THOC2: variants seen among roughly 807,000 people sequenced by gnomAD.
THOC2 encodes THO complex 2.
A neutral mutation model predicts 128.4 loss-of-function variants in THOC2; 10 were observed. That is an observed-to-expected ratio of 0.08 (90% CI 0.05 to 0.13). THOC2 has a LOEUF of 0.13. Among genes scored for constraint, THOC2 ranks in the 10% least tolerant of loss-of-function variants. The probability of loss-of-function intolerance (pLI) is 1.00; values close to 1 mark genes in which losing one functional copy is unlikely to be tolerated. For synonymous variants in THOC2, 393 were observed against 396.9 expected, an observed-to-expected ratio of 0.99 and a Z score of 0.12; for missense variants, 535 against 1,155.7, an observed-to-expected ratio of 0.46 and a Z score of 7.79.
chrX:123,698,862 A>C (rs1369301421), intron 4 of THOC2, among the ~76,000 whole-genome samples: 1 of 108,473 alleles, frequency 9.2e-6, no homozygotes, highest in Non-Finnish European at 1.9e-5. Flanking sequence ...GTGACAGAGT[A>C]AGACTCTGTC....
At position 123,697,665 on chromosome X, in the gene THOC2, A is replaced by G; in HGVS notation, c.345+16T>C. ...ATGCAGATTTTTAAAAGGGAAAAAT[A>G]TTTTTAAAAACTTACCAAACATGCT... On this transcript the variant is annotated intron_variant, in intron 5 of 38. Coordinates refer to ENST00000245838, the MANE Select transcript of THOC2 (RefSeq NM_001081550.2). The G allele has an allele frequency of 1.0e-6, 1 of 958,461 alleles. No individual in the cohort carries two copies. The highest frequency in any genetic ancestry group is 1.4e-6 in the Non-Finnish European group (1 of 693,672). The allele number at this position is 958,461 out of a possible 1,213,427, so 79.0% of individuals were successfully genotyped here.
intron 3 of THOC2, among the ~76,000 whole-genome samples, chrX:123,703,890 TA>T (rs774877149): frequency 0.59 from 22,011 of 37,059 alleles, 4,089 homozygotes; most frequent in South Asian, 0.65. Flanking sequence ...ACTCTGTCTT[TA>T]AAAAAAAAAA....
chrX:123,605,435 T>C (rs987044459), intron 38 of THOC2, among the ~76,000 whole-genome samples: 2 of 111,472 alleles, frequency 1.8e-5, no homozygotes, highest in Non-Finnish European at 3.8e-5. Context: ...AAGACAGAAA[T>C]GATTTGTGTC....
At chrX:123,687,636 A>G (rs756899280) in intron 7 of THOC2, among the ~76,000 whole-genome samples, 18 of 111,938 alleles carry the variant, frequency 1.6e-4, no homozygotes, top group Admixed American at 6.7e-4. Flanking sequence ...TGGTAAGATG[A>G]TATCTCCAGT....
chrX:123,654,171 C>T (rs1012736974), intron 12 of THOC2, among the ~76,000 whole-genome samples: 14 of 110,014 alleles, frequency 1.3e-4, no homozygotes, highest in Admixed American at 2.0e-4. Context: ...AACCAAACAC[C>T]GCATGTTCTC....
intron 12 of THOC2, among the ~76,000 whole-genome samples, chrX:123,648,873 C>A (rs1258185697): frequency 1.8e-5 from 2 of 112,026 alleles, no homozygotes; most frequent in Admixed American, 9.5e-5. Context: ...GGGGAAGAGG[C>A]GGCTGTGGGC....
chrX:123,722,100 C>T lies in THOC2; in HGVS notation c.72-9192G>A, dbSNP rs184780305. On this transcript the variant is annotated intron_variant, in intron 1 of 38. Transcript: ENST00000245838. ...AACAGAGTATTTGCTGCCGATGATACGCTTTTACACTGTTGGTGGGGGAGT... is the reference window on the plus strand; with the variant it reads ...AACAGAGTATTTGCTGCCGATGATATGCTTTTACACTGTTGGTGGGGGAGT... 1.6e-3 allele frequency among the ~76,000 whole-genome samples: 183 copies of T among 112,272 alleles called. 1 individual carries two copies. Among genetic ancestry groups the T allele is most frequent in the African/African-American group, 5.1e-3 (159 of 30,941 alleles).
At position 123,702,816 on chromosome X, in the gene THOC2, G is replaced by C. The variant is rs73546099; in HGVS notation, c.274+638C>G. Among the ~76,000 whole-genome samples, 992 of 108,403 alleles carry C rather than the reference G, an allele frequency of 9.2e-3. 7 individuals are homozygous for C. Among genetic ancestry groups the C allele is most frequent in the African/African-American group, 0.031 (932 of 29,943 alleles). 94.1% of individuals were successfully genotyped at this position (108,403 alleles called of 115,157 possible). A position where few individuals can be genotyped will look rare whatever the true frequency, so the allele number is the denominator to read the frequency against. On this transcript the variant is annotated intron_variant, in intron 4 of 38. Transcript: ENST00000245838. ...CAGGACTGACTGAAGGGAAAACTGT[G>C]CTCAGTTATTTTCATCTAGATCTAA...
intron 38 of THOC2, among the ~76,000 whole-genome samples, chrX:123,607,309 T>C (rs1027684520): frequency 9.0e-6 from 1 of 110,999 alleles, no homozygotes; most frequent in African/African-American, 3.3e-5. Context: ...AGAGTCTTGC[T>C]CTGTCACCCA....
At chrX:123,692,554 T>C (rs2050269188) in intron 7 of THOC2, among the ~76,000 whole-genome samples, 1 of 95,066 alleles carries the variant, frequency 1.1e-5, no homozygotes, top group African/African-American at 4.1e-5. Flanking sequence ...CAGGCTGGAG[T>C]GCAGTGGCAC....
intron 1 of THOC2, among the ~76,000 whole-genome samples, chrX:123,732,460 G>A (rs1394689580): frequency 1.8e-5 from 2 of 112,332 alleles, no homozygotes; most frequent in African/African-American, 3.2e-5. Context: ...GCGAAGAGGA[G>A]GGGAGGGGAA....
intron 8 of THOC2, among the ~76,000 whole-genome samples, chrX:123,680,396 C>T (rs778550945): frequency 1.6e-4 from 18 of 111,116 alleles, no homozygotes; most frequent in African/African-American, 5.2e-4. Flanking sequence ...GACCTTCTCT[C>T]CACTATTATC....
At chrX:123,686,462 T>C (rs1383069634) in intron 8 of THOC2, 86 bp downstream of exon 8, 3 of 782,225 alleles carry the variant, frequency 3.8e-6, no homozygotes, top group Non-Finnish European at 5.3e-6. Context: ...ATGAGACCAA[T>C]CATTTACAAA....
chrX:123,685,337 T>A (rs2049960905), intron 8 of THOC2, among the ~76,000 whole-genome samples: 1 of 112,387 alleles, frequency 8.9e-6, no homozygotes, highest in Middle Eastern at 4.6e-3. Context: ...AAGTTATGTG[T>A]CAAGTTTTAT....
At chrX:123,724,432 C>T (rs2051849876) in intron 1 of THOC2, among the ~76,000 whole-genome samples, 1 of 112,234 alleles carries the variant, frequency 8.9e-6, no homozygotes, top group South Asian at 3.7e-4. Flanking sequence ...CACCTGTAGT[C>T]CCAGAACTCT....
At chrX:123,719,271 A>T (rs2051580039) in intron 1 of THOC2, among the ~76,000 whole-genome samples, 1 of 111,409 alleles carries the variant, frequency 9.0e-6, no homozygotes, top group Non-Finnish European at 1.9e-5. Flanking sequence ...ACAAATGACC[A>T]ACAGAAAAAA....
At chrX:123,701,295 G>A (rs1469142309) in intron 4 of THOC2, among the ~76,000 whole-genome samples, 2 of 112,457 alleles carry the variant, frequency 1.8e-5, no homozygotes, top group African/African-American at 6.5e-5. Context: ...AGCAGAGGTT[G>A]CAGTGAGCCA....
chrX:123,704,552 C>G (rs2050847776), intron 3 of THOC2, among the ~76,000 whole-genome samples: 1 of 111,552 alleles, frequency 9.0e-6, no homozygotes, highest in Admixed American at 9.6e-5. Context: ...ACTCTTGTAG[C>G]CTTTGGAGAA....
chrX:123,704,944 T>C (rs1358850908), intron 3 of THOC2, among the ~76,000 whole-genome samples: 1 of 112,309 alleles, frequency 8.9e-6, no homozygotes, highest in African/African-American at 3.2e-5. Flanking sequence ...GTCTCTTGAC[T>C]TTCCACTCCC....
Sources: gnomAD v4.1 joint callset for allele counts (sites outside exome capture counted in the v4.1 genomes callset) on GRCh38, gnomAD v4.1.1 for gene constraint, MANE v1.5 for transcripts, NCBI Gene and HGNC (gene_info 2026-07-23, HGNC 2026-07-21) for gene names.